Variants in MEIS1 observed in about 807,000 individuals in gnomAD.
The protein encoded by MEIS1 is Meis homeobox 1.
A neutral mutation model predicts 50.8 loss-of-function variants in MEIS1; 5 were observed. The ratio of observed to expected loss-of-function variants is 0.10; its 90% CI spans 0.05 to 0.21. The LOEUF (loss-of-function observed/expected upper bound fraction) is 0.21, where lower values mean the gene tolerates loss of function less well. Ranked by LOEUF, MEIS1 falls within the 10% of genes least tolerant of loss-of-function variation. MEIS1 has a pLI of 1.00. For missense variants in MEIS1, 318 were observed against 517.3 expected, an observed-to-expected ratio of 0.61 and a Z score of 3.74; for synonymous variants, 176 against 179.3, an observed-to-expected ratio of 0.98 and a Z score of 0.15.
chr2:66,558,046 G>A (rs1675112059), intron 9 of MEIS1, among the ~76,000 whole-genome samples: 1 of 152,082 alleles, frequency 6.6e-6, no homozygotes, highest in South Asian at 2.1e-4. Flanking sequence ...TTGGGAGGCC[G>A]AGGGAGGCGG....
intron 7 of MEIS1, among the ~76,000 whole-genome samples, chr2:66,477,388 C>T (rs1464373760): frequency 6.6e-6 from 1 of 152,140 alleles, no homozygotes; most frequent in Non-Finnish European, 1.5e-5. Context: ...CACTGGCATG[C>T]TCTTTCTTTG....
chr2:66,552,165 C>T (rs749120219), intron 9 of MEIS1, among the ~76,000 whole-genome samples: 9 of 151,930 alleles, frequency 5.9e-5, no homozygotes, highest in Non-Finnish European at 1.2e-4. Flanking sequence ...ATGATCACAC[C>T]AGTGTTGCGG....
Position 66,526,038 on chromosome 2 carries a change from T to G in MEIS1, c.888+13744T>G, listed in dbSNP as rs540737393. 9.2e-5 allele frequency among the ~76,000 whole-genome samples: 14 copies of G among 152,356 alleles called. No individual in the cohort carries two copies. The East Asian group carries it at 2.7e-3, about 29-fold the overall frequency. ...TTATGTCTGCTCCAGGAGATCCTTTTGTATTCCCACTGCCTTGTGTACTTT... is the reference window on the plus strand; with the variant it reads ...TTATGTCTGCTCCAGGAGATCCTTTGGTATTCCCACTGCCTTGTGTACTTT... On this transcript the variant is annotated intron_variant, in intron 8 of 12. Coordinates refer to ENST00000272369, the MANE Select transcript of MEIS1 (RefSeq NM_002398.3).
chr2:66,459,398 G>A (rs187656939), intron 6 of MEIS1, among the ~76,000 whole-genome samples: 40 of 152,298 alleles, frequency 2.6e-4, no homozygotes, highest in African/African-American at 9.4e-4. Context: ...ACCTCAGATT[G>A]TATTCTGTAG....
In MEIS1 at chr2:66,439,891, A is replaced by G. The variant is rs1404607867; in HGVS notation, c.288A>G (p.Leu96=). ...CACTGATTTTTGAGAAATGTGAATTAGCTACTTGTACCCCCCGCGAGCCGG... is the reference window on the plus strand; with the variant it reads ...CACTGATTTTTGAGAAATGTGAATTGGCTACTTGTACCCCCCGCGAGCCGG... The part of the protein sequence containing the change: ...LLALIFEKCE[L]ATCTPREPGV... The change falls in exon 3 of 13, where the codon TTA becomes TTG. Residue 96 remains leucine, a synonymous_variant. Coordinates refer to ENST00000272369, the MANE Select transcript of MEIS1 (RefSeq NM_002398.3). The G allele has an allele frequency of 3.7e-6, 6 of 1,613,646 alleles. No homozygotes were observed. The Admixed American group carries it at 5.0e-5, about 13-fold the overall frequency.
chr2:66,499,045 G>C (rs921836071), intron 7 of MEIS1, among the ~76,000 whole-genome samples: 1 of 152,166 alleles, frequency 6.6e-6, no homozygotes, highest in Non-Finnish European at 1.5e-5. Flanking sequence ...CTGACTAACC[G>C]AGTGGAAGGT....
chr2:66,532,143 A>G (rs1674407759), intron 8 of MEIS1, among the ~76,000 whole-genome samples: 1 of 152,132 alleles, frequency 6.6e-6, no homozygotes, highest in African/African-American at 2.4e-5. Flanking sequence ...GATTCACCAT[A>G]GATAGTCAGT....
chr2:66,489,481 C>T (rs1673223186), intron 7 of MEIS1, among the ~76,000 whole-genome samples: 1 of 152,144 alleles, frequency 6.6e-6, no homozygotes, highest in African/African-American at 2.4e-5. Flanking sequence ...GATTTTATTG[C>T]ATTAAAATGT....
chr2:66,512,032 A>G (rs1673844693), intron 7 of MEIS1, 117 bp from the exon 8 acceptor site: 14 of 1,193,104 alleles, frequency 1.2e-5, no homozygotes, highest in Non-Finnish European at 1.3e-5. Flanking sequence ...ACAGTACCAA[A>G]GAAACTATTA....
intron 9 of MEIS1, among the ~76,000 whole-genome samples, chr2:66,559,096 C>G (rs1322285738): frequency 1.3e-5 from 2 of 149,934 alleles, no homozygotes; most frequent in African/African-American, 2.5e-5. Flanking sequence ...GAGCTGAGAT[C>G]GAACCACTGC....
chr2:66,535,704 G>T (rs541543444), intron 8 of MEIS1, among the ~76,000 whole-genome samples: 1 of 152,066 alleles, frequency 6.6e-6, no homozygotes, highest in Non-Finnish European at 1.5e-5. Context: ...AAATGCTTTC[G>T]GGAGTTGGAA....
At chr2:66,494,068 TAA>T (rs957572861) in intron 7 of MEIS1, among the ~76,000 whole-genome samples, 14 of 152,342 alleles carry the variant, frequency 9.2e-5, no homozygotes, top group African/African-American at 3.4e-4. Flanking sequence ...TATAGAAATA[TAA>T]GTTTAATCTG....
chr2:66,544,691 G>T (rs1451573966), intron 8 of MEIS1, among the ~76,000 whole-genome samples: 1 of 152,010 alleles, frequency 6.6e-6, no homozygotes, highest in Non-Finnish European at 1.5e-5. Flanking sequence ...ACAGAGTGCT[G>T]AGCCTCCATA....
intron 9 of MEIS1, among the ~76,000 whole-genome samples, chr2:66,550,567 G>A (rs981649444): frequency 2.6e-5 from 4 of 152,154 alleles, no homozygotes; most frequent in African/African-American, 7.2e-5. Context: ...GTGTGAACAT[G>A]GCTCACTGCA....
intron 6 of MEIS1, among the ~76,000 whole-genome samples, chr2:66,446,929 G>A (rs749226735): frequency 1.3e-5 from 2 of 152,228 alleles, no homozygotes; most frequent in Non-Finnish European, 2.9e-5. Context: ...AGTTCACAAT[G>A]TTGTTTCTGA....
chr2:66,565,390 C>A (rs1671982617), intron 9 of MEIS1, among the ~76,000 whole-genome samples: 1 of 152,126 alleles, frequency 6.6e-6, no homozygotes, highest in Admixed American at 6.5e-5. Flanking sequence ...TCTTCCTTGA[C>A]TAAACACTGG....
intron 9 of MEIS1, among the ~76,000 whole-genome samples, chr2:66,557,712 T>C (rs1003088153): frequency 1.3e-5 from 2 of 152,224 alleles, no homozygotes; most frequent in African/African-American, 4.8e-5. Flanking sequence ...TATTCATCTC[T>C]TACCATTATA....
intron 8 of MEIS1, among the ~76,000 whole-genome samples, chr2:66,546,909 C>T (rs1674805828): frequency 6.6e-6 from 1 of 152,104 alleles, no homozygotes; most frequent in Admixed American, 6.6e-5. Context: ...AAAGCTATGT[C>T]AATTAGCATT....
chr2:66,541,835 G>A (rs765391971), intron 8 of MEIS1, among the ~76,000 whole-genome samples: 3 of 152,188 alleles, frequency 2.0e-5, no homozygotes, highest in African/African-American at 7.2e-5. Context: ...TATGTTCTGC[G>A]ACTGCACGGT....
Sources: allele counts gnomAD v4.1 joint callset (sites outside exome capture counted in the v4.1 genomes callset), GRCh38; gene constraint gnomAD v4.1.1; transcripts MANE v1.5; gene names NCBI Gene and HGNC (gene_info 2026-07-23, HGNC 2026-07-21).